The following MPP4 variants were observed in gnomAD, a reference collection of about 807,000 sequenced individuals.
The protein encoded by MPP4 is MAGUK p55 subfamily member 4.
A neutral mutation model predicts 98.3 loss-of-function variants in MPP4; 91 were observed. The ratio of observed to expected loss-of-function variants is 0.93; its 90% CI spans 0.78 to 1.10. The LOEUF (loss-of-function observed/expected upper bound fraction) is 1.10. Ranked by LOEUF, MPP4 falls within the 50% of genes least tolerant of loss-of-function variation. The pLI, the probability that MPP4 is intolerant of heterozygous loss-of-function variation, is 0.00. For synonymous variants in MPP4, 261 were observed against 271.8 expected (o/e 0.96, Z 0.39); for missense variants, 744 against 792.9 (o/e 0.94, Z 0.74).
intron 13 of MPP4, chr2:201,666,121 A>G: frequency 2.3e-6 from 1 of 425,718 alleles, no homozygotes. Context: ...TTTCTAGAAC[A>G]TTTTCTAGTA....
In MPP4 at chr2:201,649,686, T is replaced by C; in HGVS notation, c.1476-2A>G. ...TTGTACTCACCATACTCCAGCATCC[T>C]GCAAGAGCAGGCCAAACAAAACAGA... On this transcript the variant is annotated splice_acceptor_variant, in intron 19 of 21. Transcript: ENST00000409474. LOFTEE classifies it high-confidence loss of function. 4.4e-6 allele frequency: 7 copies of C among 1,603,262 alleles called. No individual in the cohort carries two copies. Among genetic ancestry groups the C allele is most frequent in the Non-Finnish European group, 6.0e-6 (7 of 1,173,408 alleles).
intron 11 of MPP4, 99 bp downstream of exon 11, chr2:201,675,108 G>T: frequency 8.0e-7 from 1 of 1,251,002 alleles, no homozygotes; most frequent in South Asian, 1.3e-5. Flanking sequence ...TCTCCCATGT[G>T]GCATGGCCAG....
rs1436575197 is a variant in MPP4, at chr2:201,689,541, G to A, written c.279+661C>T. On this transcript the variant is annotated intron_variant, in intron 4 of 21. Coordinates refer to ENST00000409474, the MANE Select transcript of MPP4 (RefSeq NM_033066.3). ...TTTTGCAACTATCTATGTAAGAGATGATGATGATGGTATGGGGTGGTGAGA... is the reference window on the plus strand; with the variant it reads ...TTTTGCAACTATCTATGTAAGAGATAATGATGATGGTATGGGGTGGTGAGA... Among the ~76,000 whole-genome samples the A allele has an allele frequency of 4.6e-5, 7 of 152,276 alleles. No homozygotes were observed. The South Asian group carries it at 8.3e-4, about 18-fold the overall frequency.
At chr2:201,674,562 G>A (rs1275711554) in intron 11 of MPP4, among the ~76,000 whole-genome samples, 1 of 152,160 alleles carries the variant, frequency 6.6e-6, no homozygotes. Context: ...TTATGGTAGT[G>A]GGGGAGATCT....
chr2:201,668,916 C>A (rs758411142), intron 12 of MPP4, among the ~76,000 whole-genome samples: 1 of 152,168 alleles, frequency 6.6e-6, no homozygotes, highest in Non-Finnish European at 1.5e-5. Flanking sequence ...CTGTGTCATA[C>A]ACCTTTTTTG....
At chr2:201,657,301 G>A (rs568472998) in intron 16 of MPP4, among the ~76,000 whole-genome samples, 52 of 152,260 alleles carry the variant, frequency 3.4e-4, no homozygotes, top group African/African-American at 1.2e-3. Context: ...GGACACATGG[G>A]TCATGATTTC....
Position 201,694,022 on chromosome 2 carries a change from A to G in MPP4, c.-68T>C. The G allele has an allele frequency of 6.2e-7, 1 of 1,612,966 alleles. No homozygotes were observed. The highest frequency in any genetic ancestry group is 8.5e-7 in the Non-Finnish European group (1 of 1,179,476). ...CGGGTCAATACACGGCACACAGCTC[A>G]CTCAGTCCCACTGGCCACCAGCTCT... is the stretch of plus-strand genomic sequence containing the variant. On this transcript the variant is annotated 5_prime_UTR_variant, in exon 2 of 22. Coordinates refer to ENST00000409474, the MANE Select transcript of MPP4 (RefSeq NM_033066.3).
intron 14 of MPP4, chr2:201,661,719 C>G (rs991926713): frequency 4.6e-6 from 2 of 439,484 alleles, no homozygotes; most frequent in African/African-American, 4.0e-5. Context: ...AGGTGAGGAA[C>G]CTGAAGGGCA....
intron 11 of MPP4, among the ~76,000 whole-genome samples, chr2:201,670,155 A>G (rs1040827358): frequency 6.6e-6 from 1 of 152,320 alleles, no homozygotes; most frequent in Non-Finnish European, 1.5e-5. Flanking sequence ...AGAAAGAGGG[A>G]AGACAACTAT....
intron 4 of MPP4, among the ~76,000 whole-genome samples, chr2:201,689,043 TTA>T (rs1688921746): frequency 6.6e-6 from 1 of 152,098 alleles, no homozygotes; most frequent in Admixed American, 6.5e-5. Flanking sequence ...ACTTTGGTGT[TTA>T]GGCCAGGTGT....
chr2:201,696,583 G>A (rs962140342), intron 1 of MPP4, among the ~76,000 whole-genome samples: 1 of 152,176 alleles, frequency 6.6e-6, no homozygotes, highest in Admixed American at 6.5e-5. Flanking sequence ...TTTAATGCCC[G>A]AATGACTGTG....
intron 13 of MPP4, 127 bp downstream of exon 13, chr2:201,666,207 G>T: frequency 1.5e-6 from 1 of 653,498 alleles, no homozygotes; most frequent in East Asian, 3.3e-5. Flanking sequence ...GATGGGGGTG[G>T]AGGGTCATTT....
chr2:201,669,675 C>A, intron 12 of MPP4, 58 bp downstream of exon 12: 1 of 1,263,488 alleles, frequency 7.9e-7, no homozygotes, highest in Non-Finnish European at 1.1e-6. Context: ...CTTTAAACTA[C>A]AAGAAATTTC....
At chr2:201,650,650 T>A (rs1180715444) in intron 18 of MPP4, 4 of 985,278 alleles carry the variant, frequency 4.1e-6, no homozygotes, top group Admixed American at 6.1e-5. Flanking sequence ...ATAAGACTGA[T>A]GAAAAGCGAA....
chr2:201,672,485 A>T (rs898289084), intron 11 of MPP4, among the ~76,000 whole-genome samples: 2 of 152,102 alleles, frequency 1.3e-5, no homozygotes, highest in African/African-American at 4.8e-5. Context: ...AGATTAAGAA[A>T]ATAGATAGAC....
chr2:201,656,480 T>G (rs537381429), intron 16 of MPP4, 112 bp from the exon 17 acceptor site: 1 of 1,060,054 alleles, frequency 9.4e-7, no homozygotes, highest in East Asian at 2.9e-5. Flanking sequence ...ATTAATATAG[T>G]CAGGTCTGTC....
intron 18 of MPP4, among the ~76,000 whole-genome samples, chr2:201,653,790 T>A (rs967183220): frequency 7.9e-5 from 12 of 152,036 alleles, no homozygotes; most frequent in African/African-American, 2.9e-4. Context: ...TTTTTAGAAT[T>A]GTAGCTCTCA....
chr2:201,650,009 G>A (rs1202073408), intron 19 of MPP4, 63 bp downstream of exon 19: 1 of 1,426,550 alleles, frequency 7.0e-7, no homozygotes, highest in African/African-American at 1.5e-5. Flanking sequence ...CATAAAAATA[G>A]GGAATCTATT....
chr2:201,689,765 G>A (rs555372149), intron 4 of MPP4, among the ~76,000 whole-genome samples: 5 of 152,244 alleles, frequency 3.3e-5, no homozygotes, highest in Admixed American at 6.5e-5. Flanking sequence ...TGATCGGCAG[G>A]TGGGGAAGAT....
Sources: allele counts gnomAD v4.1 joint callset (sites outside exome capture counted in the v4.1 genomes callset), GRCh38; gene constraint gnomAD v4.1.1; transcripts MANE v1.5; gene names NCBI Gene and HGNC (gene_info 2026-07-23, HGNC 2026-07-21).